The following KCNH1 variants were observed in gnomAD, a reference collection of about 807,000 sequenced individuals.
KCNH1 encodes potassium voltage-gated channel subfamily H member 1.
Under a neutral mutation model 69.2 loss-of-function variants are expected in KCNH1, and 27 were observed. That is an observed-to-expected ratio of 0.39 (90% CI 0.29 to 0.54). The LOEUF (loss-of-function observed/expected upper bound fraction) is 0.54. Among genes scored for constraint, KCNH1 ranks in the 20% least tolerant of loss-of-function variants. The probability of loss-of-function intolerance (pLI) is 0.68; values close to 1 mark genes in which losing one functional copy is unlikely to be tolerated. For synonymous variants in KCNH1, 456 were observed against 487.7 expected (o/e 0.93, Z 0.86); for missense variants, 798 against 1,261.6 (o/e 0.63, Z 5.57).
intron 10 of KCNH1, among the ~76,000 whole-genome samples, chr1:210,697,150 C>T (rs566498408): frequency 1.3e-5 from 2 of 152,288 alleles, no homozygotes; most frequent in African/African-American, 4.8e-5. Context: ...GGGCTGGGAA[C>T]CCACAGGTTC....
chr1:211,004,639 T>C (rs1269090421), intron 6 of KCNH1, among the ~76,000 whole-genome samples: 2 of 151,972 alleles, frequency 1.3e-5, no homozygotes, highest in South Asian at 4.2e-4. Flanking sequence ...AGACAGAAGA[T>C]AGAAACTAAG....
intron 6 of KCNH1, among the ~76,000 whole-genome samples, chr1:210,966,706 A>T (rs1688410076): frequency 6.6e-6 from 1 of 152,190 alleles, no homozygotes; most frequent in East Asian, 1.9e-4. Flanking sequence ...CATTAAAAAG[A>T]CAGGAAACAA....
chr1:210,988,297 C>T (rs1162447402), intron 6 of KCNH1, among the ~76,000 whole-genome samples: 1 of 152,164 alleles, frequency 6.6e-6, no homozygotes, highest in Non-Finnish European at 1.5e-5. Flanking sequence ...GTTCTGCACC[C>T]ACTGTCCGGC....
chr1:210,872,265 A>C (rs578239294), intron 7 of KCNH1, among the ~76,000 whole-genome samples: 1 of 152,162 alleles, frequency 6.6e-6, no homozygotes, highest in East Asian at 1.9e-4. Flanking sequence ...AATGATGATT[A>C]AAATGGTCTT....
intron 7 of KCNH1, among the ~76,000 whole-genome samples, chr1:210,874,707 T>C (rs1249731089): frequency 6.6e-6 from 1 of 152,218 alleles, no homozygotes; most frequent in Non-Finnish European, 1.5e-5. Flanking sequence ...CACATATTCA[T>C]ATACATATAG....
At chr1:210,980,235 C>T (rs539756481) in intron 6 of KCNH1, among the ~76,000 whole-genome samples, 1 of 152,254 alleles carries the variant, frequency 6.6e-6, no homozygotes, top group Non-Finnish European at 1.5e-5. Flanking sequence ...AACTACAAAC[C>T]TGATCCCCAG....
rs377557048 is a variant in KCNH1 at position 210,683,892 on chromosome 1, C to T, written c.2359G>A (p.Val787Met). 43 of 1,613,712 alleles carry T rather than the reference C, an allele frequency of 2.7e-5. No individual in the cohort carries two copies. The highest frequency in any genetic ancestry group is 3.6e-5 in the Non-Finnish European group (42 of 1,179,730). Residue 787 changes from valine (V) to methionine (M), a missense_variant, in exon 11 of 11, where the codon GTG becomes ATG. By Grantham distance (21) the Val-to-Met change is conservative. Around this residue, in one of 4 missense-constraint regions of KCNH1, gnomAD observed 331 missense variants for 363.2 expected, o/e 0.91. Coordinates refer to ENST00000271751, the MANE Select transcript of KCNH1 (RefSeq NM_172362.3). The surrounding 1 kb of genome is among the most constrained non-coding windows in gnomAD (Gnocchi z 5.7). Reference protein sequence around the residue: ...SANHSLVKASVVTVRESPATP... With the variant: ...SANHSLVKASMVTVRESPATP... ...GCAGGACTCTCACGCACGGTGACCA[C>T]GCTGGCCTTCACGAGGCTGTGGTTG...
At position 210,809,113 on chromosome 1, in the gene KCNH1, A is replaced by C. The variant is rs574255518; in HGVS notation, c.1463-4947T>G. 8.0e-4 allele frequency among the ~76,000 whole-genome samples: 122 copies of C among 152,278 alleles called. No homozygotes were observed. In the Middle Eastern group the frequency reaches 0.024, roughly 30 times the overall value. On this transcript the variant is annotated intron_variant, in intron 7 of 10. Transcript: ENST00000271751. ...GATTCCTACCCAGAAAGAAAGAAAG[A>C]AAAAAGATAGTATTCTCCAGCCCTT...
At chr1:211,128,195 A>G (rs934107699) in intron 1 of KCNH1, among the ~76,000 whole-genome samples, 1 of 150,934 alleles carries the variant, frequency 6.6e-6, no homozygotes, top group Non-Finnish European at 1.5e-5. Context: ...AGGCTGAGGC[A>G]GGAGAATTGC....
At chr1:211,044,564 GA>G (rs200028093) in intron 5 of KCNH1, among the ~76,000 whole-genome samples, 27,812 of 151,098 alleles carry the variant, frequency 0.18, 2,858 homozygotes, top group Non-Finnish European at 0.24. Flanking sequence ...AAATTAGCAA[GA>G]AAAAAAAATT....
intron 5 of KCNH1, among the ~76,000 whole-genome samples, chr1:211,045,040 G>A (rs1384330419): frequency 5.8e-4 from 16 of 27,402 alleles, no homozygotes; most frequent in South Asian, 1.8e-3. Context: ...AAATTGTGGG[G>A]GATATATATA....
chr1:210,737,053 G>A (rs1682897868), intron 10 of KCNH1, among the ~76,000 whole-genome samples: 1 of 152,198 alleles, frequency 6.6e-6, no homozygotes, highest in Non-Finnish European at 1.5e-5. Context: ...AGAAGGAAAG[G>A]CAGTCAAGAA....
At chr1:211,130,532 T>C (rs1691857998) in intron 1 of KCNH1, among the ~76,000 whole-genome samples, 1 of 152,212 alleles carries the variant, frequency 6.6e-6, no homozygotes, top group African/African-American at 2.4e-5. Flanking sequence ...CAGTGTTCCA[T>C]AAATACATTC....
At chr1:210,718,136 GA>G (rs370545063) in intron 10 of KCNH1, among the ~76,000 whole-genome samples, 2,559 of 146,664 alleles carry the variant, frequency 0.017, 34 homozygotes, top group Middle Eastern at 0.036. Context: ...AAAAAACAAG[GA>G]AAAAAATAGG....
In KCNH1 at chr1:211,103,883, CG is replaced by C. The variant is rs202109010; in HGVS notation, c.204-282del. 6.6e-3 allele frequency among the ~76,000 whole-genome samples: 1,009 copies of C among 152,288 alleles called. 47 individuals carry two copies. The highest frequency in any genetic ancestry group is 0.058 in the Admixed American group (883 of 15,304). ...AGTGTGATCACTGCCACAATGGCAG[CG>C]CACATAATGAATTACAGAACACACA... On this transcript the variant is annotated intron_variant, in intron 2 of 10. Transcript: ENST00000271751.
intron 6 of KCNH1, among the ~76,000 whole-genome samples, chr1:210,975,847 C>T (rs1688597774): frequency 6.6e-6 from 1 of 152,168 alleles, no homozygotes; most frequent in South Asian, 2.1e-4. Flanking sequence ...TTGCAGTCTA[C>T]TCATCTGACA....
At chr1:210,950,741 CAT>C (rs1688049253) in intron 6 of KCNH1, among the ~76,000 whole-genome samples, 1 of 152,144 alleles carries the variant, frequency 6.6e-6, no homozygotes, top group Admixed American at 6.5e-5. Context: ...ACTATTAACT[CAT>C]GTGACAGATA....
intron 6 of KCNH1, among the ~76,000 whole-genome samples, chr1:211,000,470 T>C (rs1689152304): frequency 6.6e-6 from 1 of 152,106 alleles, no homozygotes; most frequent in South Asian, 2.1e-4. Flanking sequence ...GTGAAGGACC[T>C]CTTCAAGGAG....
rs755642598 is a variant in KCNH1, at chr1:210,991,464, G to C, written c.1032+27319C>G. Among the ~76,000 whole-genome samples the C allele has an allele frequency of 4.6e-5, 7 of 152,228 alleles. No individual in the cohort carries two copies. In the East Asian group the frequency reaches 1.4e-3, roughly 29 times the overall value. On this transcript the variant is annotated intron_variant, in intron 6 of 10. Coordinates refer to ENST00000271751, the MANE Select transcript of KCNH1 (RefSeq NM_172362.3). Reference sequence around the variant, plus strand: ...TTAACAGAGGCTGAGGAGGCAGGGGGAGTGGAGGAGATGTTGGTCAAAGGG... The same window carrying C: ...TTAACAGAGGCTGAGGAGGCAGGGGCAGTGGAGGAGATGTTGGTCAAAGGG...
Sources: allele counts gnomAD v4.1 joint callset (sites outside exome capture counted in the v4.1 genomes callset), GRCh38; gene constraint gnomAD v4.1.1; regional missense constraint gnomAD v4.1.1; non-coding constraint Gnocchi (gnomAD v3.1); transcripts MANE v1.5; gene names NCBI Gene and HGNC (gene_info 2026-07-23, HGNC 2026-07-21).